Variants in WIPF3 observed in about 807,000 individuals in gnomAD.
WIPF3 encodes WAS/WASL interacting protein family member 3, also known as WAS/WASL-interacting protein family member 3.
A neutral mutation model predicts 38.9 loss-of-function variants in WIPF3; 33 were observed. That is an observed-to-expected ratio of 0.85 (90% CI 0.64 to 1.14). The LOEUF is 1.14. Among genes scored for constraint, WIPF3 ranks in the 50% most tolerant of loss-of-function variants. The probability of loss-of-function intolerance (pLI) is 0.00; values close to 1 mark genes in which losing one functional copy is unlikely to be tolerated. For synonymous variants in WIPF3, 324 were observed against 269.3 expected, an observed-to-expected ratio of 1.20 and a Z score of -1.99; for missense variants, 711 against 652.5, an observed-to-expected ratio of 1.09 and a Z score of -0.98.
intron 3 of WIPF3, among the ~76,000 whole-genome samples, chr7:29,876,941 T>A (rs1785610557): frequency 6.6e-6 from 1 of 152,190 alleles, no homozygotes; most frequent in Non-Finnish European, 1.5e-5. Context: ...TGGCTCCTTT[T>A]TTTTTTCTTG....
intron 7 of WIPF3, among the ~76,000 whole-genome samples, chr7:29,902,702 A>T (rs1037110709): frequency 6.6e-6 from 1 of 151,768 alleles, no homozygotes; most frequent in Non-Finnish European, 1.5e-5. Context: ...TTAGCCAGGC[A>T]TGGTGGCAAG....
chr7:29,808,975 AAT>A (rs1418082167), intron 1 of WIPF3, among the ~76,000 whole-genome samples: 1 of 152,192 alleles, frequency 6.6e-6, no homozygotes, highest in African/African-American at 2.4e-5. Flanking sequence ...AGAATTTATA[AAT>A]ATGTTTATTA....
At chr7:29,837,902 A>ATTTG (rs1435789219) in intron 2 of WIPF3, among the ~76,000 whole-genome samples, 26 of 152,260 alleles carry the variant, frequency 1.7e-4, no homozygotes, top group Admixed American at 1.7e-3. Context: ...ATTTTTATTT[A>ATTTG]TTTATTTATT....
At chr7:29,880,530 G>A (rs879865128) in intron 4 of WIPF3, among the ~76,000 whole-genome samples, 1 of 152,134 alleles carries the variant, frequency 6.6e-6, no homozygotes, top group Non-Finnish European at 1.5e-5. Flanking sequence ...ATTCCCGAGT[G>A]CTATCAAACA....
intron 2 of WIPF3, among the ~76,000 whole-genome samples, chr7:29,864,988 T>C (rs2128071232): frequency 6.6e-6 from 1 of 152,338 alleles, no homozygotes; most frequent in East Asian, 1.9e-4. Context: ...TAGGGGGAAC[T>C]GATATTAATA....
intron 3 of WIPF3, among the ~76,000 whole-genome samples, chr7:29,877,513 G>A (rs1785624991): frequency 6.6e-6 from 1 of 152,018 alleles, no homozygotes; most frequent in South Asian, 2.1e-4. Context: ...TTATTTTTTT[G>A]CTGTGTTAAT....
intron 5 of WIPF3, among the ~76,000 whole-genome samples, chr7:29,887,140 A>C (rs174972): frequency 0.94 from 143,267 of 152,300 alleles, 67,455 homozygotes; most frequent in South Asian, 0.97. Flanking sequence ...TAGTGAGCCC[A>C]AGGCCAGGAT....
intron 1 of WIPF3, among the ~76,000 whole-genome samples, chr7:29,824,102 C>G (rs181771972): frequency 6.6e-6 from 1 of 152,240 alleles, no homozygotes; most frequent in Admixed American, 6.5e-5. Flanking sequence ...TATCTTTGAA[C>G]CTTTGAGGAG....
At chr7:29,828,541 A>G (rs1784661094) in intron 1 of WIPF3, among the ~76,000 whole-genome samples, 1 of 152,172 alleles carries the variant, frequency 6.6e-6, no homozygotes, top group Non-Finnish European at 1.5e-5. Flanking sequence ...CCAGATTTCA[A>G]AATTGAACTT....
chr7:29,882,346 C>A (rs1430507433), intron 4 of WIPF3, among the ~76,000 whole-genome samples: 1 of 152,198 alleles, frequency 6.6e-6, no homozygotes, highest in Non-Finnish European at 1.5e-5. Flanking sequence ...CTAGGTTCTC[C>A]TCGTCATCTT....
chr7:29,825,908 C>A (rs1020452739), intron 1 of WIPF3, among the ~76,000 whole-genome samples: 1 of 152,174 alleles, frequency 6.6e-6, no homozygotes, highest in Admixed American at 6.5e-5. Context: ...AGGGCTGAGC[C>A]AGTTCAGTTT....
chr7:29,884,264 T>TTGC lies in WIPF3; in HGVS notation c.770_771insTGC (p.Leu257_Pro258insAla). The TTGC allele has an allele frequency of 3.2e-4, 417 of 1,313,080 alleles. No individual in the cohort carries two copies. Among genetic ancestry groups the TTGC allele is most frequent in the Non-Finnish European group, 3.9e-4 (388 of 990,662 alleles). 81.3% of individuals were successfully genotyped at this position (1,313,080 alleles called of 1,614,324 possible). The stretch of plus-strand genomic sequence containing the variant: ...AAGCCTCAGCTGGCTCCCTTGCACC[T>TTGC]CCCGCCCATCCCGCCCCCGCTCCCT... On this transcript the variant is annotated inframe_insertion, in exon 5 of 9. Coordinates refer to ENST00000242140, the MANE Select transcript of WIPF3 (RefSeq NM_001080529.3).
In WIPF3 at chr7:29,889,461, T is replaced by C. The variant is rs1023537738; in HGVS notation, c.1351+54T>C. 10 of 1,343,238 alleles carry C rather than the reference T, an allele frequency of 7.4e-6. No individual in the cohort carries two copies. The South Asian group carries it at 1.1e-4, about 14-fold the overall frequency. The allele number at this position is 1,343,238 out of a possible 1,614,324, so 83.2% of individuals were successfully genotyped here. On this transcript the variant is annotated intron_variant, in intron 7 of 8. Transcript: ENST00000242140. ...CATCTCCCGACCCTTCAAAATTAGGTGCCCACTGTGCATCAGTTGGTCACA... is the reference window on the plus strand; with the variant it reads ...CATCTCCCGACCCTTCAAAATTAGGCGCCCACTGTGCATCAGTTGGTCACA...
intron 8 of WIPF3, among the ~76,000 whole-genome samples, chr7:29,909,396 T>TTTAG (rs1786462239): frequency 6.6e-6 from 1 of 152,126 alleles, no homozygotes; most frequent in South Asian, 2.1e-4. Flanking sequence ...CTGACAAACC[T>TTTAG]TTAGTTAGAT....
At chr7:29,883,666 T>C (rs1198841632) in intron 4 of WIPF3, among the ~76,000 whole-genome samples, 184 bp from the exon 5 acceptor site, 3 of 152,174 alleles carry the variant, frequency 2.0e-5, no homozygotes, top group Non-Finnish European at 4.4e-5. Context: ...ACTTTGGATC[T>C]GGTCCAGTTG....
At chr7:29,845,106 A>C (rs1375506521) in intron 2 of WIPF3, among the ~76,000 whole-genome samples, 1 of 151,104 alleles carries the variant, frequency 6.6e-6, no homozygotes, top group Non-Finnish European at 1.5e-5. Flanking sequence ...TAATAGGAAA[A>C]AAAAAAACAC....
At chr7:29,887,292 T>C (rs979835571) in intron 5 of WIPF3, among the ~76,000 whole-genome samples, 1 of 152,222 alleles carries the variant, frequency 6.6e-6, no homozygotes, top group Non-Finnish European at 1.5e-5. Flanking sequence ...TTAGCACAGA[T>C]AGTAATAATG....
intron 1 of WIPF3, among the ~76,000 whole-genome samples, chr7:29,813,671 G>A (rs1412139895): frequency 3.3e-5 from 5 of 151,748 alleles, no homozygotes; most frequent in Admixed American, 3.3e-4. Context: ...CAGTTTTATT[G>A]AGCTATAATT....
intron 4 of WIPF3, among the ~76,000 whole-genome samples, chr7:29,881,591 G>T (rs1460623722): frequency 6.6e-6 from 1 of 151,790 alleles, no homozygotes; most frequent in Non-Finnish European, 1.5e-5. Context: ...TAGAGAAGAG[G>T]CCCACAAAGG....
Sources: allele counts gnomAD v4.1 joint callset (sites outside exome capture counted in the v4.1 genomes callset), GRCh38; gene constraint gnomAD v4.1.1; transcripts MANE v1.5; gene names NCBI Gene and HGNC (gene_info 2026-07-23, HGNC 2026-07-21).